DIAPH2: variants seen among roughly 807,000 people sequenced by gnomAD.
DIAPH2 encodes diaphanous related formin 2.
Under a neutral mutation model 92.7 loss-of-function variants are expected in DIAPH2, and 35 were observed. The observed-to-expected ratio is 0.38, with a 90% confidence interval of 0.29 to 0.50. The LOEUF (loss-of-function observed/expected upper bound fraction) is 0.50. Ranked by LOEUF, DIAPH2 falls within the 20% of genes least tolerant of loss-of-function variation. The pLI is 0.94. For synonymous variants in DIAPH2, 301 were observed against 280.4 expected, an observed-to-expected ratio of 1.07 and a Z score of -0.73; for missense variants, 701 against 819.5, an observed-to-expected ratio of 0.86 and a Z score of 1.77.
chrX:97,361,747 G>A (rs1255382249), intron 24 of DIAPH2, among the ~76,000 whole-genome samples: 1 of 111,576 alleles, frequency 9.0e-6, no homozygotes. Flanking sequence ...TTCAAATATG[G>A]GGACGTCTAA....
chrX:97,326,357 G>T (rs1292828951), intron 23 of DIAPH2, among the ~76,000 whole-genome samples: 2 of 111,699 alleles, frequency 1.8e-5, no homozygotes, highest in Admixed American at 9.6e-5. Context: ...CAAGGAATGC[G>T]ACCGCCATAT....
intron 26 of DIAPH2, among the ~76,000 whole-genome samples, chrX:97,533,826 T>G (rs2071077337): frequency 8.9e-6 from 1 of 111,751 alleles, no homozygotes; most frequent in South Asian, 3.8e-4. Context: ...TTAATTTCTT[T>G]TGGAATGAGA....
At chrX:97,335,645 A>G (rs1409184056) in intron 23 of DIAPH2, among the ~76,000 whole-genome samples, 1 of 111,996 alleles carries the variant, frequency 8.9e-6, no homozygotes, top group Non-Finnish European at 1.9e-5. Flanking sequence ...AACATTCTCA[A>G]TAATTTATCA....
At chrX:97,002,523 T>C (rs1187766597) in intron 17 of DIAPH2, among the ~76,000 whole-genome samples, 1 of 111,738 alleles carries the variant, frequency 8.9e-6, no homozygotes, top group African/African-American at 3.2e-5. Flanking sequence ...GATCTAAGTA[T>C]GTTTCCCTTT....
intron 17 of DIAPH2, among the ~76,000 whole-genome samples, chrX:97,063,628 G>A (rs1458922997): frequency 8.9e-6 from 1 of 112,120 alleles, no homozygotes; most frequent in Non-Finnish European, 1.9e-5. Flanking sequence ...ACCATGAGGA[G>A]TATAAATGTG....
At chrX:96,799,379 G>A (rs2064563995) in intron 4 of DIAPH2, among the ~76,000 whole-genome samples, 1 of 112,297 alleles carries the variant, frequency 8.9e-6, no homozygotes. Context: ...TCTAGTACCA[G>A]TTACTTCTTT....
chrX:96,921,256 T>G (rs2065540997), intron 9 of DIAPH2, among the ~76,000 whole-genome samples: 3 of 111,512 alleles, frequency 2.7e-5, no homozygotes, highest in African/African-American at 6.5e-5. Flanking sequence ...AAAGTGAAAT[T>G]TTGTACCTAT....
chrX:97,148,612 A>C (rs2067263024), intron 22 of DIAPH2, among the ~76,000 whole-genome samples: 4 of 110,934 alleles, frequency 3.6e-5, no homozygotes, highest in Admixed American at 2.9e-4. Flanking sequence ...GGCCATACCA[A>C]CCTGAATGCA....
intron 26 of DIAPH2, among the ~76,000 whole-genome samples, chrX:97,470,848 G>T (rs749478004): frequency 1.8e-5 from 2 of 110,835 alleles, no homozygotes; most frequent in African/African-American, 6.6e-5. Flanking sequence ...TTCTAGCTCA[G>T]AGAAGCTTCC....
At chrX:97,359,986 A>T (rs1370158602) in intron 24 of DIAPH2, among the ~76,000 whole-genome samples, 2 of 111,721 alleles carry the variant, frequency 1.8e-5, no homozygotes, top group Non-Finnish European at 3.8e-5. Flanking sequence ...GACATTGTTC[A>T]TGGGGTATTG....
intron 20 of DIAPH2, among the ~76,000 whole-genome samples, chrX:97,105,452 G>T (rs1349244094): frequency 8.9e-6 from 1 of 111,806 alleles, no homozygotes; most frequent in Non-Finnish European, 1.9e-5. Context: ...GCTTCCCACT[G>T]ACTTGTCCTC....
At chrX:96,820,479 AAAG>A (rs2064770562) in intron 4 of DIAPH2, among the ~76,000 whole-genome samples, 1 of 111,817 alleles carries the variant, frequency 8.9e-6, no homozygotes, top group Admixed American at 9.5e-5. Flanking sequence ...CAAAAAGAGA[AAAG>A]AAAAAAAGAA....
At chrX:97,195,327 C>T (rs1245790398) in intron 22 of DIAPH2, among the ~76,000 whole-genome samples, 1 of 111,099 alleles carries the variant, frequency 9.0e-6, no homozygotes, top group Non-Finnish European at 1.9e-5. Flanking sequence ...TGGAAATTGC[C>T]ATTGACTAGT....
At chrX:97,043,763 A>G (rs1834702178) in intron 17 of DIAPH2, among the ~76,000 whole-genome samples, 1 of 112,081 alleles carries the variant, frequency 8.9e-6, no homozygotes, top group Non-Finnish European at 1.9e-5. Flanking sequence ...CCTAATTTGC[A>G]TTTAGAAAGC....
intron 22 of DIAPH2, among the ~76,000 whole-genome samples, chrX:97,225,538 G>C (rs772158639): frequency 9.0e-6 from 1 of 111,511 alleles, no homozygotes; most frequent in Non-Finnish European, 1.9e-5. Flanking sequence ...TTGACCTTGC[G>C]TGATTTTCTA....
chrX:96,871,341 G>T (rs760924263), intron 4 of DIAPH2, among the ~76,000 whole-genome samples: 12 of 108,948 alleles, frequency 1.1e-4, no homozygotes, highest in African/African-American at 3.0e-4. Flanking sequence ...GTGGTGGCGG[G>T]TGCCTGTAGT....
intron 23 of DIAPH2, among the ~76,000 whole-genome samples, chrX:97,291,446 A>AT (rs767511495): frequency 9.0e-6 from 1 of 111,493 alleles, no homozygotes; most frequent in South Asian, 3.8e-4. Context: ...CTATCTCCAT[A>AT]TTTTTTCTGT....
rs113706313 is a variant in DIAPH2, at chrX:97,129,677, T to G, written c.2590-11988T>G. Among the ~76,000 whole-genome samples the G allele has an allele frequency of 4.3e-3, 476 of 110,961 alleles. 5 individuals carry two copies. The highest frequency in any genetic ancestry group is 0.015 in the African/African-American group (456 of 30,446). ...TGCTAAATTCATTTTGGAAAACAAT[T>G]TGGTACTATCAAGAAATGTTAAACC... On this transcript the variant is annotated intron_variant, in intron 21 of 26. Transcript: ENST00000324765.
rs1490679303 is a variant in DIAPH2 at position 97,599,397 on chromosome X, C to T, written c.*80C>T. 7.3e-6 allele frequency: 5 copies of T among 686,606 alleles called. No homozygotes were observed. In the East Asian group the frequency reaches 1.2e-4, roughly 17 times the overall value. The allele number at this position is 686,606 out of a possible 1,213,427, so 56.6% of individuals were successfully genotyped here. ...TGAGAAGAACAAAGTGTGCACTCAG[C>T]GGCTGGAAAGGAAATAAGTGCATTT... On this transcript the variant is annotated 3_prime_UTR_variant, in exon 27 of 27. Transcript: ENST00000324765.
Sources: allele counts gnomAD v4.1 joint callset (sites outside exome capture counted in the v4.1 genomes callset), GRCh38; gene constraint gnomAD v4.1.1; transcripts MANE v1.5; gene names NCBI Gene and HGNC (gene_info 2026-07-23, HGNC 2026-07-21).